CCDC102B: variants seen among roughly 807,000 people sequenced by gnomAD.
CCDC102B encodes coiled-coil domain containing 102B, also known as coiled-coil domain-containing protein 102B.
A neutral mutation model predicts 57.4 loss-of-function variants in CCDC102B; 75 were observed. That is an observed-to-expected ratio of 1.31 (90% CI 1.08 to 1.58). The LOEUF is 1.58. CCDC102B is among the 40% of genes most tolerant of loss of function. The pLI, the probability that CCDC102B is intolerant of heterozygous loss-of-function variation, is 0.00. For missense variants in CCDC102B, 636 were observed against 582.6 expected (o/e 1.09, Z -0.94); for synonymous variants, 206 against 201.9 (o/e 1.02, Z -0.17).
chr18:68,940,311 T>C (rs2049343893), intron 6 of CCDC102B, among the ~76,000 whole-genome samples: 1 of 151,864 alleles, frequency 6.6e-6, no homozygotes, highest in Admixed American at 6.6e-5. Flanking sequence ...AAATGTGTAT[T>C]TTTTAGTCTT....
chr18:68,919,603 CT>C (rs769412811), intron 6 of CCDC102B, among the ~76,000 whole-genome samples: 2 of 152,028 alleles, frequency 1.3e-5, no homozygotes, highest in Non-Finnish European at 2.9e-5. Flanking sequence ...CCTGAGAGTC[CT>C]CTTATTCTTC....
At chr18:68,893,121 C>T (rs1942284) in intron 5 of CCDC102B, among the ~76,000 whole-genome samples, 138,970 of 152,278 alleles carry the variant, frequency 0.91, 63,471 homozygotes, top group East Asian at 0.99. Context: ...TATTTTGTAT[C>T]TGAAGTGGCT....
intron 6 of CCDC102B, among the ~76,000 whole-genome samples, chr18:68,966,954 AG>A (rs2050180407): frequency 6.6e-6 from 1 of 152,144 alleles, no homozygotes; most frequent in South Asian, 2.1e-4. Context: ...ACTTTTGTTC[AG>A]TAGGGGAGGT....
At chr18:68,918,090 T>G (rs1188904380) in intron 6 of CCDC102B, among the ~76,000 whole-genome samples, 1 of 152,146 alleles carries the variant, frequency 6.6e-6, no homozygotes, top group Non-Finnish European at 1.5e-5. Flanking sequence ...AAATATTTGT[T>G]AATCCAAGAG....
chr18:68,849,385 A>C (rs1599562064), intron 4 of CCDC102B, among the ~76,000 whole-genome samples: 1 of 152,100 alleles, frequency 6.6e-6, no homozygotes, highest in African/African-American at 2.4e-5. Context: ...GGCTTAAAAA[A>C]TTATTCCATA....
intron 6 of CCDC102B, among the ~76,000 whole-genome samples, chr18:68,943,269 T>C (rs965848554): frequency 3.9e-5 from 6 of 152,138 alleles, no homozygotes; most frequent in African/African-American, 1.4e-4. Flanking sequence ...TATTTTTTGT[T>C]CTTACTCATT....
At chr18:68,869,867 A>C (rs901193856) in intron 4 of CCDC102B, among the ~76,000 whole-genome samples, 2 of 151,994 alleles carry the variant, frequency 1.3e-5, no homozygotes, top group African/African-American at 4.8e-5. Flanking sequence ...TTTTATGTTT[A>C]AGTCTTTAAT....
intron 5 of CCDC102B, among the ~76,000 whole-genome samples, chr18:68,876,701 T>C (rs2039462374): frequency 6.6e-6 from 1 of 152,192 alleles, no homozygotes; most frequent in Non-Finnish European, 1.5e-5. Flanking sequence ...GAAAGCAGGT[T>C]AATTCAGAAG....
intron 6 of CCDC102B, among the ~76,000 whole-genome samples, chr18:68,983,388 G>A (rs2050644255): frequency 6.6e-6 from 1 of 151,898 alleles, no homozygotes; most frequent in African/African-American, 2.4e-5. Flanking sequence ...GGTCTTAATG[G>A]ACCAAATAGT....
At chr18:68,868,510 A>C (rs1267508878) in intron 4 of CCDC102B, among the ~76,000 whole-genome samples, 1 of 152,196 alleles carries the variant, frequency 6.6e-6, no homozygotes, top group Non-Finnish European at 1.5e-5. Context: ...TGCATTGATA[A>C]ATAATACATA....
intron 7 of CCDC102B, among the ~76,000 whole-genome samples, chr18:69,015,210 A>T (rs746398119): frequency 2.0e-5 from 3 of 152,190 alleles, no homozygotes; most frequent in Non-Finnish European, 4.4e-5. Flanking sequence ...AGGTAGGTGT[A>T]TTGAAATATA....
chr18:68,887,492 A>G (rs1038687674), intron 5 of CCDC102B, among the ~76,000 whole-genome samples: 2 of 152,222 alleles, frequency 1.3e-5, no homozygotes, highest in African/African-American at 2.4e-5. Context: ...AGGTCAGGTG[A>G]GCTGAAGAGT....
Position 68,716,778 on chromosome 18 carries a change from TAAA to T in CCDC102B, c.-67+188_-67+190del, listed in dbSNP as rs35487664. Among the ~76,000 whole-genome samples, 1,060 of 151,318 alleles carry T rather than the reference TAAA, an allele frequency of 7.0e-3. 10 individuals carry two copies. Among genetic ancestry groups the T allele is most frequent in the African/African-American group, 0.024 (974 of 41,184 alleles). On this transcript the variant is annotated intron_variant, in intron 2 of 3. Coordinates refer to the CCDC102B transcript ENST00000578970. ...GTGAGACCCCATCTGTACAAAAAATTAAAAAATTAGCCAGATGTGGCCTGGCGC... is the reference window on the plus strand; with the variant it reads ...GTGAGACCCCATCTGTACAAAAAATTAAATTAGCCAGATGTGGCCTGGCGC...
chr18:68,884,441 T>A (rs1224762014), intron 5 of CCDC102B, among the ~76,000 whole-genome samples: 3 of 151,982 alleles, frequency 2.0e-5, no homozygotes, highest in African/African-American at 7.2e-5. Context: ...ATATTCTCAC[T>A]TACATGTGAA....
intron 5 of CCDC102B, 39 bp downstream of exon 5, chr18:68,874,824 A>C (rs370835217): frequency 2.3e-5 from 28 of 1,241,264 alleles, no homozygotes; most frequent in African/African-American, 3.0e-5. Flanking sequence ...ATATTAAAAC[A>C]TAACTGACTG....
chr18:68,790,605 C>G lies in CCDC102B; in HGVS notation c.-66-32761C>G, dbSNP rs562006456. Among the ~76,000 whole-genome samples, 977 of 152,236 alleles carry G rather than the reference C, an allele frequency of 6.4e-3. 8 individuals are homozygous for G. The highest frequency in any genetic ancestry group is 0.021 in the African/African-American group (869 of 41,552). On this transcript the variant is annotated intron_variant, in intron 2 of 3. Coordinates refer to the CCDC102B transcript ENST00000578970. Reference sequence around the variant, plus strand: ...TGACCCGATTTTCCAGGTGCTGTCCCTCACCCCTTTCTTTGACTCGGAAAG... The same window carrying G: ...TGACCCGATTTTCCAGGTGCTGTCCGTCACCCCTTTCTTTGACTCGGAAAG...
intron 6 of CCDC102B, among the ~76,000 whole-genome samples, chr18:68,945,768 G>C (rs1025914083): frequency 2.0e-5 from 3 of 152,054 alleles, no homozygotes; most frequent in African/African-American, 7.2e-5. Flanking sequence ...GATCCTTAAA[G>C]AACTGTCCTT....
intron 2 of CCDC102B, among the ~76,000 whole-genome samples, chr18:68,757,572 A>G (rs1298755468): frequency 6.6e-6 from 1 of 152,176 alleles, no homozygotes; most frequent in East Asian, 1.9e-4. Flanking sequence ...TAAAATGAGT[A>G]TAACTGTTTA....
chr18:69,014,943 T>C (rs2051619765), intron 7 of CCDC102B, among the ~76,000 whole-genome samples: 1 of 146,574 alleles, frequency 6.8e-6, no homozygotes, highest in African/African-American at 2.5e-5. Context: ...TGGCCTGCAC[T>C]ATACTGTATG....
Sources: allele counts gnomAD v4.1 joint callset (sites outside exome capture counted in the v4.1 genomes callset), GRCh38; gene constraint gnomAD v4.1.1; transcripts MANE v1.5; gene names NCBI Gene and HGNC (gene_info 2026-07-23, HGNC 2026-07-21).